Variants in AHCTF1 observed in about 807,000 individuals in gnomAD.
AHCTF1 encodes the protein AT-hook containing transcription factor 1, also known as protein ELYS.
AHCTF1 carries 24 observed loss-of-function variants against 248.4 expected under a neutral mutation model. The ratio of observed to expected loss-of-function variants is 0.10; its 90% CI spans 0.07 to 0.14. The LOEUF (loss-of-function observed/expected upper bound fraction) is 0.14. AHCTF1 is among the 10% of genes least tolerant of loss of function. The pLI, the probability that AHCTF1 is intolerant of heterozygous loss-of-function variation, is 1.00. For missense variants in AHCTF1, 2,206 were observed against 2,636.2 expected, an observed-to-expected ratio of 0.84 and a Z score of 3.57; for synonymous variants, 786 against 929.8, an observed-to-expected ratio of 0.85 and a Z score of 2.81.
chr1:246,922,796 C>T (rs1037000272), intron 1 of AHCTF1, among the ~76,000 whole-genome samples: 4 of 150,716 alleles, frequency 2.7e-5, no homozygotes, highest in Non-Finnish European at 3.0e-5. Flanking sequence ...TCCTGGATAA[C>T]ACGGTGAAAC....
intron 26 of AHCTF1, among the ~76,000 whole-genome samples, chr1:246,865,763 A>C (rs548968818): frequency 0.048 from 7,375 of 152,280 alleles, 238 homozygotes; most frequent in Middle Eastern, 0.075. Context: ...AAAGGTTCTG[A>C]GAAATCTTTT....
intron 7 of AHCTF1, 77 bp from the exon 8 acceptor site, chr1:246,902,752 T>A: frequency 1.5e-6 from 2 of 1,356,740 alleles, no homozygotes; most frequent in Non-Finnish European, 2.0e-6. Context: ...TTCTCCAAAT[T>A]TAAAGATTGT....
At position 246,878,628 on chromosome 1, in the gene AHCTF1, G is replaced by T. The variant is rs192178517; in HGVS notation, c.2661-1326C>A. Among the ~76,000 whole-genome samples, 35 of 152,102 alleles carry T rather than the reference G, an allele frequency of 2.3e-4. No homozygotes were observed. The East Asian group carries it at 5.2e-3, about 23-fold the overall frequency. ...ACTAAGAATGGTAATGATCAATCTG[G>T]CAGTTAAAATTTTTGGAGGCTGACA... On this transcript the variant is annotated intron_variant, in intron 21 of 35. Coordinates refer to ENST00000648844, the MANE Select transcript of AHCTF1 (RefSeq NM_001323342.2).
intron 33 of AHCTF1, among the ~76,000 whole-genome samples, chr1:246,848,898 C>T (rs1284696444): frequency 6.6e-6 from 1 of 152,094 alleles, no homozygotes; most frequent in Non-Finnish European, 1.5e-5. Context: ...ACCATTAACA[C>T]TTTTACAGAG....
chr1:246,857,067 T>C (rs1400374241), intron 30 of AHCTF1, among the ~76,000 whole-genome samples: 2 of 152,218 alleles, frequency 1.3e-5, no homozygotes, highest in African/African-American at 2.4e-5. Context: ...GGTGAATCAA[T>C]TGCTTCACTA....
rs752972627 is a variant in AHCTF1 at position 246,916,306 on chromosome 1, T to C, written c.211A>G (p.Ser71Gly). 6.8e-6 allele frequency: 11 copies of C among 1,610,252 alleles called. No homozygotes were observed. The highest frequency in any genetic ancestry group is 5.0e-5 in the Admixed American group (3 of 59,848). The change falls in exon 3 of 36, where the codon AGT becomes GGT. Residue 71 changes from serine to glycine, a missense_variant. Coordinates refer to ENST00000648844, the MANE Select transcript of AHCTF1 (RefSeq NM_001323342.2). Reference protein sequence around the residue: ...TGERLSAYRFSGVNEQPPVVL... With the variant: ...TGERLSAYRFGGVNEQPPVVL... ...ACAGGAGGCTGTTCATTGACTCCAC[T>C]GAATCTGTAAGCAGACAATCGCTCT...
chr1:246,908,897 C>CAAAAGA (rs1665587052), intron 4 of AHCTF1, among the ~76,000 whole-genome samples: 1 of 123,672 alleles, frequency 8.1e-6, no homozygotes, highest in African/African-American at 3.0e-5. Flanking sequence ...GACTCCGTCT[C>CAAAAGA]AAAAGAAAAA....
At chr1:246,867,622 A>C (rs1342465536) in intron 25 of AHCTF1, 39 bp downstream of exon 25, 1 of 1,601,738 alleles carries the variant, frequency 6.2e-7, no homozygotes, top group Non-Finnish European at 8.5e-7. Flanking sequence ...AGTAAAGATT[A>C]ACAAGCAGCA....
chr1:246,848,657 G>C (rs1660463844), intron 33 of AHCTF1, among the ~76,000 whole-genome samples: 2 of 151,944 alleles, frequency 1.3e-5, no homozygotes, highest in African/African-American at 4.8e-5. Flanking sequence ...CTTGAGGTCA[G>C]GAGTTCAAGA....
intron 24 of AHCTF1, among the ~76,000 whole-genome samples, chr1:246,872,199 T>C (rs901689577): frequency 6.6e-6 from 1 of 151,628 alleles, no homozygotes; most frequent in African/African-American, 2.4e-5. Flanking sequence ...ATCTAAAAGA[T>C]AAAACAGATC....
chr1:246,888,057 C>T, intron 19 of AHCTF1, 120 bp downstream of exon 19: 1 of 1,069,362 alleles, frequency 9.4e-7, no homozygotes, highest in South Asian at 1.5e-5. Flanking sequence ...GTTAACACCT[C>T]TTCTTAAGAA....
At chr1:246,841,463 G>GTA (rs1553282018) in intron 35 of AHCTF1, among the ~76,000 whole-genome samples, 1 of 152,100 alleles carries the variant, frequency 6.6e-6, no homozygotes, top group African/African-American at 2.4e-5. Flanking sequence ...GTAAACAGTG[G>GTA]TATTAGCCAT....
intron 10 of AHCTF1, 29 bp downstream of exon 10, chr1:246,900,036 T>G: frequency 6.4e-7 from 1 of 1,571,014 alleles, no homozygotes; most frequent in Non-Finnish European, 8.6e-7. Context: ...ATTACTTTTC[T>G]TAAGAGGTAA....
intron 4 of AHCTF1, 32 bp downstream of exon 4, chr1:246,913,200 C>G: frequency 6.7e-7 from 1 of 1,499,778 alleles, no homozygotes; most frequent in Non-Finnish European, 9.0e-7. Flanking sequence ...TCCAGGTGCT[C>G]CATTTTTGGT....
At chr1:246,867,406 T>C (rs1054151050) in intron 25 of AHCTF1, 55 bp from the exon 26 acceptor site, 16 of 1,175,584 alleles carry the variant, frequency 1.4e-5, no homozygotes, top group Admixed American at 2.5e-5. Context: ...TGATAACAAG[T>C]GGATGAGATG....
At chr1:246,877,114 A>G (rs1300577461) in intron 22 of AHCTF1, 33 bp from the exon 23 acceptor site, 2 of 1,612,148 alleles carry the variant, frequency 1.2e-6, no homozygotes, top group Admixed American at 1.7e-5. Context: ...TAAACTACCA[A>G]TTTATCTTGA....
intron 7 of AHCTF1, among the ~76,000 whole-genome samples, chr1:246,903,644 A>G (rs1428433485): frequency 1.5e-5 from 2 of 135,182 alleles, no homozygotes; most frequent in African/African-American, 5.7e-5. Flanking sequence ...CCTGGCCAAG[A>G]TGGTGAGACC....
chr1:246,842,819 T>C, intron 34 of AHCTF1, 43 bp from the exon 35 acceptor site: 1 of 1,539,798 alleles, frequency 6.5e-7, no homozygotes, highest in South Asian at 1.1e-5. Context: ...TAAACACGAA[T>C]CCAATTTTAA....
At chr1:246,858,240 T>C (rs1014955064) in intron 29 of AHCTF1, among the ~76,000 whole-genome samples, 1 of 152,150 alleles carries the variant, frequency 6.6e-6, no homozygotes, top group African/African-American at 2.4e-5. Flanking sequence ...ATTACAGGCA[T>C]GAGCCACTGC....
Sources: gnomAD v4.1 joint callset for allele counts (sites outside exome capture counted in the v4.1 genomes callset) on GRCh38, gnomAD v4.1.1 for gene constraint, MANE v1.5 for transcripts, NCBI Gene and HGNC (gene_info 2026-07-23, HGNC 2026-07-21) for gene names.